The following CEP120 variants were observed in gnomAD, a reference collection of about 807,000 sequenced individuals.
CEP120 encodes centrosomal protein of 120 kDa.
Under a neutral mutation model 126.5 loss-of-function variants are expected in CEP120, and 113 were observed. The ratio of observed to expected loss-of-function variants is 0.89; its 90% CI spans 0.77 to 1.04. The LOEUF (loss-of-function observed/expected upper bound fraction) is 1.04. CEP120 is among the 50% of genes least tolerant of loss of function. The pLI, the probability that CEP120 is intolerant of heterozygous loss-of-function variation, is 0.00. For missense variants in CEP120, 1,230 were observed against 1,155.7 expected (o/e 1.06, Z -0.93); for synonymous variants, 400 against 394.3 (o/e 1.01, Z -0.17).
intron 4 of CEP120, chr5:123,401,521 G>C (rs1305959945): frequency 7.8e-7 from 1 of 1,278,508 alleles, no homozygotes; most frequent in Non-Finnish European, 1.1e-6. Flanking sequence ...CCTCGGCCTG[G>C]CTGCGGTTGG....
chr5:123,422,206 C>T (rs1033640812), intron 1 of CEP120, among the ~76,000 whole-genome samples: 1 of 152,176 alleles, frequency 6.6e-6, no homozygotes, highest in Non-Finnish European at 1.5e-5. Context: ...GAATGCCCTT[C>T]CTTTTTTCAC....
chr5:123,404,060 G>A (rs188747163), intron 4 of CEP120, among the ~76,000 whole-genome samples: 23 of 152,276 alleles, frequency 1.5e-4, no homozygotes, highest in Admixed American at 3.9e-4. Flanking sequence ...AGTTCTGATG[G>A]ATATACCACG....
At chr5:123,419,387 A>T (rs932412014) in intron 1 of CEP120, among the ~76,000 whole-genome samples, 1 of 152,166 alleles carries the variant, frequency 6.6e-6, no homozygotes, top group African/African-American at 2.4e-5. Flanking sequence ...CTCTACTAAA[A>T]ATGCAAAAAA....
chr5:123,414,731 C>T (rs1471080216), intron 3 of CEP120, among the ~76,000 whole-genome samples: 2 of 151,970 alleles, frequency 1.3e-5, no homozygotes, highest in East Asian at 1.9e-4. Flanking sequence ...CTCTGGGAGG[C>T]CAAGGCCGGT....
At chr5:123,359,717 G>A (rs1562002350) in intron 18 of CEP120, among the ~76,000 whole-genome samples, 1 of 151,852 alleles carries the variant, frequency 6.6e-6, no homozygotes, top group Non-Finnish European at 1.5e-5. Context: ...TGCCTTCCCA[G>A]TTACCAAAGA....
rs1561986898 is a variant in CEP120, at chr5:123,349,928, C to T, written c.2726+16G>A. ...CAAACTTTGGCTTTTGAAAGAAACA[C>T]TTTTAGTTATTATACCTGTTCAATT... On this transcript the variant is annotated intron_variant, in intron 19 of 19. Transcript: ENST00000306467. 4 of 1,607,104 alleles carry T rather than the reference C, an allele frequency of 2.5e-6. No individual in the cohort carries two copies. The highest frequency in any genetic ancestry group is 2.7e-5 in the African/African-American group (2 of 74,676).
At chr5:123,375,906 T>G (rs551564572) in intron 16 of CEP120, among the ~76,000 whole-genome samples, 1 of 152,226 alleles carries the variant, frequency 6.6e-6, no homozygotes, top group East Asian at 1.9e-4. Context: ...GAAAATTTAC[T>G]GAAGACTTGG....
At chr5:123,407,407 A>G (rs1304860149) in intron 4 of CEP120, among the ~76,000 whole-genome samples, 6 of 152,346 alleles carry the variant, frequency 3.9e-5, no homozygotes, top group Non-Finnish European at 7.4e-5. Context: ...ATTAAAAGCT[A>G]TACTAATCAA....
At chr5:123,368,322 T>C (rs537191728) in intron 17 of CEP120, among the ~76,000 whole-genome samples, 3 of 152,082 alleles carry the variant, frequency 2.0e-5, no homozygotes, top group Admixed American at 1.3e-4. Context: ...ACCCACATAA[T>C]AGAACTTGGG....
intron 18 of CEP120, among the ~76,000 whole-genome samples, chr5:123,351,786 C>T (rs867020322): frequency 2.0e-4 from 30 of 152,204 alleles, no homozygotes; most frequent in Middle Eastern, 3.4e-3. Flanking sequence ...TGAACTGTCA[C>T]ATAGGGTCAG....
intron 9 of CEP120, among the ~76,000 whole-genome samples, 188 bp from the exon 10 acceptor site, chr5:123,386,855 T>C (rs1416401176): frequency 2.0e-5 from 3 of 152,092 alleles, no homozygotes; most frequent in Admixed American, 1.3e-4. Flanking sequence ...ATGTCCTACC[T>C]TTTTTATCTC....
chr5:123,385,057 G>T lies in CEP120; in HGVS notation c.1657C>A (p.Leu553Ile), dbSNP rs371674914. Residue 553 changes from leucine (L) to isoleucine (I), a missense_variant, in exon 11 of 20, where the codon CTT becomes ATT. Leu to Ile is a conservative substitution (Grantham distance 5). Coordinates refer to ENST00000306467, the MANE Select transcript of CEP120 (RefSeq NM_001375405.1). ...DLLLGIARIQ[L>I]SNILSSEKTR... is the part of the protein sequence containing the mutation. ...TTTTCTGAAGACAAGATGTTAGAAAGCTGGATTCTCGCAATTCCCAGAAGT... is the reference window on the plus strand; with the variant it reads ...TTTTCTGAAGACAAGATGTTAGAAATCTGGATTCTCGCAATTCCCAGAAGT... 1 of 1,613,672 alleles carries T rather than the reference G, an allele frequency of 6.2e-7. No homozygotes were observed. The highest frequency in any genetic ancestry group is 1.3e-5 in the African/African-American group (1 of 74,994).
Position 123,412,517 on chromosome 5 carries a change from C to T in CEP120, c.345G>A (p.Leu115=). 1 of 1,601,978 alleles carries T rather than the reference C, an allele frequency of 6.2e-7. No individual in the cohort carries two copies. The highest frequency in any genetic ancestry group is 1.1e-5 in the South Asian group (1 of 87,848). Residue 115 remains leucine, a synonymous_variant, in exon 4 of 20, where the codon CTG becomes CTA. Coordinates refer to ENST00000306467, the MANE Select transcript of CEP120 (RefSeq NM_001375405.1). The part of the protein sequence containing the change: ...TKQAPKWYQL[L]SNKYTKFKSE... ...ACTTGAATTTGGTGTATTTATTACT[C>T]AGCAACTGGTACCATTTTGGTGCCT... is the stretch of plus-strand genomic sequence containing the variant.
chr5:123,370,712 TATAC>T (rs1157444023), intron 17 of CEP120, among the ~76,000 whole-genome samples: 3 of 148,598 alleles, frequency 2.0e-5, no homozygotes, highest in South Asian at 2.1e-4. Flanking sequence ...TATATACCTA[TATAC>T]ATACATACAC....
At chr5:123,412,770 T>G (rs1378448345) in intron 3 of CEP120, among the ~76,000 whole-genome samples, 5 of 152,226 alleles carry the variant, frequency 3.3e-5, no homozygotes, top group Non-Finnish European at 7.4e-5. Flanking sequence ...CTTGTCTTCC[T>G]ATGCTTCAAG....
In CEP120 at chr5:123,412,459, C is replaced by T. The variant is rs371827910; in HGVS notation, c.403G>A (p.Asp135Asn). ...EIQISIALET[D>N]TKPPVDSFKA... ...AAGCTATCCACTGGTGGCTTTGTATCGGTTTCCAAAGCAATACTTATCTGT... is the reference window on the plus strand; with the variant it reads ...AAGCTATCCACTGGTGGCTTTGTATTGGTTTCCAAAGCAATACTTATCTGT... Residue 135 changes from aspartate to asparagine, a missense_variant, in exon 4 of 20, where the codon GAT (aspartate) becomes AAT (asparagine). By Grantham distance (23) the Asp-to-Asn change is conservative (BLOSUM62 1). Coordinates refer to ENST00000306467, the MANE Select transcript of CEP120 (RefSeq NM_001375405.1). 1.4e-5 allele frequency: 23 copies of T among 1,610,782 alleles called. No homozygotes were observed. The highest frequency in any genetic ancestry group is 2.2e-5 in the East Asian group (1 of 44,626).
chr5:123,400,315 T>G (rs1229641235), intron 4 of CEP120, among the ~76,000 whole-genome samples: 2 of 152,142 alleles, frequency 1.3e-5, no homozygotes, highest in South Asian at 2.1e-4. Context: ...AAAGCTTTTA[T>G]AGAGTTGTTG....
intron 10 of CEP120, 65 bp from the exon 11 acceptor site, chr5:123,385,198 A>G (rs1771936086): frequency 1.6e-6 from 2 of 1,289,356 alleles, no homozygotes; most frequent in Non-Finnish European, 2.1e-6. Context: ...TCTGAACTAA[A>G]TTCTTTGAAT....
intron 4 of CEP120, among the ~76,000 whole-genome samples, chr5:123,409,642 A>C (rs984653722): frequency 1.3e-5 from 2 of 152,134 alleles, no homozygotes; most frequent in Non-Finnish European, 2.9e-5. Context: ...AATATGTGGA[A>C]AGAATCAACA....
Sources: allele counts gnomAD v4.1 joint callset (sites outside exome capture counted in the v4.1 genomes callset), GRCh38; gene constraint gnomAD v4.1.1; transcripts MANE v1.5; gene names NCBI Gene and HGNC (gene_info 2026-07-23, HGNC 2026-07-21).